MAP2K3: variants seen among roughly 807,000 people sequenced by gnomAD.
MAP2K3 encodes the protein mitogen-activated protein kinase kinase 3.
Under a neutral mutation model 46.4 loss-of-function variants are expected in MAP2K3, and 30 were observed. The observed-to-expected ratio is 0.65, with a 90% confidence interval of 0.48 to 0.88. The LOEUF (loss-of-function observed/expected upper bound fraction) is 0.88, where lower values mean the gene tolerates loss of function less well. MAP2K3 is among the 40% of genes least tolerant of loss of function. MAP2K3 has a pLI of 0.00. For missense variants in MAP2K3, 380 were observed against 464.5 expected, an observed-to-expected ratio of 0.82 and a Z score of 1.67; for synonymous variants, 189 against 176.3, an observed-to-expected ratio of 1.07 and a Z score of -0.57.
rs777079581 is a variant in MAP2K3 at position 21,298,887 on chromosome 17, G to GAACCTGGA, written c.127_134dup (p.Asp45GlufsTer24). ...TCTTCTTTCTCCACAGACCCCCCCG[G>GAACCTGGA]AACCTGGACTCCCGGACCTTCATCA... On this transcript the variant is annotated frameshift_variant, in exon 3 of 12. Transcript: ENST00000342679. LOFTEE classifies it high-confidence loss of function. The GAACCTGGA allele has an allele frequency of 4.3e-6, 7 of 1,614,268 alleles. No homozygotes were observed. In the South Asian group the frequency reaches 7.7e-5, roughly 18 times the overall value.
intron 7 of MAP2K3, 131 bp downstream of exon 7, chr17:21,303,365 C>A: frequency 7.7e-7 from 1 of 1,299,842 alleles, no homozygotes; most frequent in Non-Finnish European, 1.1e-6. Flanking sequence ...CGATGGGGTT[C>A]CAGCCGCTTT....
Position 21,302,127 on chromosome 17 carries a change from T to C in MAP2K3, c.400-16T>C, listed in dbSNP as rs759309414. ...GCAGCCCGGCAGCCTGGCTGAGCTCTGGGTGTCACCCACAGGGAGACGTGT... is the reference window on the plus strand; with the variant it reads ...GCAGCCCGGCAGCCTGGCTGAGCTCCGGGTGTCACCCACAGGGAGACGTGT... On this transcript the variant is annotated splice_polypyrimidine_tract_variant and intron_variant, in intron 5 of 11. Transcript: ENST00000342679. 1.2e-5 allele frequency: 19 copies of C among 1,613,870 alleles called. No homozygotes were observed. Among genetic ancestry groups the C allele is most frequent in the Non-Finnish European group, 1.4e-5 (17 of 1,179,732 alleles).
At chr17:21,304,915 C>G in intron 8 of MAP2K3, 136 bp from the exon 9 acceptor site, 1 of 1,102,144 alleles carries the variant, frequency 9.1e-7, no homozygotes, top group Non-Finnish European at 1.4e-6. Flanking sequence ...CCCAGGCCCT[C>G]CTAGCCTCAG....
chr17:21,300,969 C>A lies in MAP2K3; in HGVS notation c.375C>A (p.Thr125=), dbSNP rs765757519. The A allele has an allele frequency of 1.9e-6, 3 of 1,614,242 alleles. No individual in the cohort carries two copies. The highest frequency in any genetic ancestry group is 2.5e-6 in the Non-Finnish European group (3 of 1,180,028). Residue 125 remains threonine (T), a synonymous_variant, in exon 5 of 12, where the codon ACC becomes ACA. Transcript: ENST00000342679. The stretch of plus-strand genomic sequence containing the variant: ...CGGTCGACTGTTTCTACACTGTCAC[C>A]TTCTACGGGGCACTATTCAGAGAGG... ...MRTVDCFYTV[T]FYGALFREGD...
intron 1 of MAP2K3, among the ~76,000 whole-genome samples, chr17:21,294,547 C>T (rs1976131747): frequency 6.6e-6 from 1 of 152,310 alleles, no homozygotes; most frequent in African/African-American, 2.4e-5. Context: ...GCTGTTTGGA[C>T]GTTGGAGCCA....
intron 3 of MAP2K3, among the ~76,000 whole-genome samples, chr17:21,299,380 C>G (rs1443056685): frequency 6.6e-6 from 1 of 152,310 alleles, no homozygotes; most frequent in Non-Finnish European, 1.5e-5. Context: ...CCGTTCCTCC[C>G]AACAGAAACC....
intron 1 of MAP2K3, chr17:21,285,235 C>G (rs1975692671): frequency 2.0e-6 from 2 of 985,302 alleles, no homozygotes; most frequent in African/African-American, 3.5e-5. Flanking sequence ...CTCACCCCAT[C>G]CAAGTCAGGA....
At chr17:21,303,154 C>T (rs1417866059) in intron 6 of MAP2K3, 29 bp from the exon 7 acceptor site, 2 of 1,613,962 alleles carry the variant, frequency 1.2e-6, no homozygotes, top group Non-Finnish European at 1.7e-6. Context: ...AGAGTCCTGT[C>T]TCTTCCCTCC....
At chr17:21,293,920 C>CCCTG (rs945872848) in intron 1 of MAP2K3, among the ~76,000 whole-genome samples, 2 of 152,306 alleles carry the variant, frequency 1.3e-5, no homozygotes, top group African/African-American at 2.4e-5. Context: ...GGGCAAGGGG[C>CCCTG]CCTGCCTGAA....
chr17:21,293,234 C>G (rs1285646211), intron 1 of MAP2K3, among the ~76,000 whole-genome samples: 1 of 152,310 alleles, frequency 6.6e-6, no homozygotes, highest in African/African-American at 2.4e-5. Context: ...ACCCTGATGC[C>G]CGCAGCCACC....
Position 21,304,406 on chromosome 17 carries a change from G to A in MAP2K3, c.569-20G>A. On this transcript the variant is annotated intron_variant, in intron 7 of 11. Transcript: ENST00000342679. ...AGTCGTGCTCCACAGACGTGGCTGA[G>A]GCATGTCCCTCCCTGGCAGATGTGA... The A allele has an allele frequency of 6.2e-7, 1 of 1,614,276 alleles. No individual in the cohort carries two copies. Among genetic ancestry groups the A allele is most frequent in the Non-Finnish European group, 8.5e-7 (1 of 1,180,042 alleles).
chr17:21,311,796 A>C (rs5006072), intron 9 of MAP2K3: 1 of 194,790 alleles, frequency 5.1e-6, no homozygotes, highest in Non-Finnish European at 1.0e-5. Context: ...CTACGGCCCA[A>C]AGTTGCCAGC....
At chr17:21,288,034 G>A (rs774351502) in intron 1 of MAP2K3, 24 of 1,289,140 alleles carry the variant, frequency 1.9e-5, no homozygotes, top group Non-Finnish European at 2.3e-5. Flanking sequence ...CCCAAAGGGA[G>A]CAAAGTTCTC....
chr17:21,291,174 G>A, intron 1 of MAP2K3, among the ~76,000 whole-genome samples: 1 of 152,308 alleles, frequency 6.6e-6, no homozygotes, highest in Non-Finnish European at 1.5e-5. Flanking sequence ...AACCCGGGAG[G>A]CGGAGCTTGC....
intron 9 of MAP2K3, among the ~76,000 whole-genome samples, chr17:21,310,622 G>A (rs530836371): frequency 5.9e-5 from 9 of 152,366 alleles, no homozygotes; most frequent in African/African-American, 2.2e-4. Flanking sequence ...AACAGACAGG[G>A]GTCATGCCGG....
chr17:21,287,988 C>G, intron 1 of MAP2K3: 1 of 1,279,580 alleles, frequency 7.8e-7, no homozygotes. Flanking sequence ...TTGTGACGCA[C>G]AGGAAACTCT....
At chr17:21,296,634 T>C (rs1976267573) in intron 1 of MAP2K3, among the ~76,000 whole-genome samples, 1 of 152,312 alleles carries the variant, frequency 6.6e-6, no homozygotes, top group South Asian at 2.1e-4. Context: ...GCTTCACCTC[T>C]CTGAGCCTGT....
At chr17:21,310,501 G>A (rs952960084) in intron 9 of MAP2K3, among the ~76,000 whole-genome samples, 1 of 152,236 alleles carries the variant, frequency 6.6e-6, no homozygotes, top group Non-Finnish European at 1.5e-5. Flanking sequence ...CCCCCTGGGT[G>A]GGGCTCTGGC....
At chr17:21,287,753 A>G (rs1024187886) in intron 1 of MAP2K3, among the ~76,000 whole-genome samples, 1 of 152,206 alleles carries the variant, frequency 6.6e-6, no homozygotes, top group African/African-American at 2.4e-5. Flanking sequence ...CGTTCAGAAC[A>G]TGGGTTCTGC....
Sources: gnomAD v4.1 joint callset for allele counts (sites outside exome capture counted in the v4.1 genomes callset) on GRCh38, gnomAD v4.1.1 for gene constraint, MANE v1.5 for transcripts, NCBI Gene and HGNC (gene_info 2026-07-23, HGNC 2026-07-21) for gene names.